Variants in USP20 observed in about 807,000 individuals in gnomAD.
The protein encoded by USP20 is ubiquitin carboxyl-terminal hydrolase 20.
In USP20, 80 loss-of-function variants were observed where a neutral mutation model predicts 124.2. The observed-to-expected ratio is 0.64, with a 90% CI of 0.54 to 0.78. USP20 has a LOEUF of 0.78. Among genes scored for constraint, USP20 ranks in the 30% least tolerant of loss-of-function variants. The probability of loss-of-function intolerance (pLI) is 0.00; values close to 1 mark genes in which losing one functional copy is unlikely to be tolerated. For synonymous variants in USP20, 481 were observed against 512.3 expected, an observed-to-expected ratio of 0.94 and a Z score of 0.83; for missense variants, 1,043 against 1,244.4, an observed-to-expected ratio of 0.84 and a Z score of 2.44.
Position 129,865,342 on chromosome 9 carries a change from C to G in USP20, c.651C>G (p.Ile217Met), listed in dbSNP as rs1043531227. The change falls in exon 10 of 26, where the codon ATC (isoleucine) becomes ATG (methionine). Residue 217 changes from isoleucine to methionine, a missense_variant. Transcript: ENST00000372429. ...TCCCCACCAGTCTGTCTCATGGGATCAAGTTGGTCAACCCAATGTTCCGAG... is the reference window on the plus strand; with the variant it reads ...TCCCCACCAGTCTGTCTCATGGGATGAAGTTGGTCAACCCAATGTTCCGAG... ...YVVPTSLSHG[I>M]KLVNPMFRGY... 1 of 1,614,192 alleles carries G rather than the reference C, an allele frequency of 6.2e-7. No individual in the cohort carries two copies. Among genetic ancestry groups the G allele is most frequent in the Non-Finnish European group, 8.5e-7 (1 of 1,180,012 alleles).
intron 10 of USP20, among the ~76,000 whole-genome samples, chr9:129,867,533 C>T (rs1182358729): frequency 6.6e-6 from 1 of 152,076 alleles, no homozygotes; most frequent in Non-Finnish European, 1.5e-5. Context: ...CTGTGGGTAG[C>T]GTGGCTTGGG....
chr9:129,861,105 A>AGAT, intron 7 of USP20, 72 bp downstream of exon 7: 3 of 1,409,194 alleles, frequency 2.1e-6, no homozygotes, highest in Non-Finnish European at 3.0e-6. Context: ...GGAAACCGCC[A>AGAT]GAGTCTTGGT....
At chr9:129,872,152 AG>A (rs2034158658) in intron 15 of USP20, among the ~76,000 whole-genome samples, 1 of 150,844 alleles carries the variant, frequency 6.6e-6, no homozygotes, top group Non-Finnish European at 1.5e-5. Context: ...TGCTTGTTAT[AG>A]GGATTCTTTT....
chr9:129,879,441 C>T lies in USP20; in HGVS notation c.2513-132C>T, dbSNP rs2034546553. 7.4e-6 allele frequency: 6 copies of T among 808,108 alleles called. No individual in the cohort carries two copies. In the Admixed American group the frequency reaches 1.3e-4, roughly 18 times the overall value. 50.1% of individuals were successfully genotyped at this position (808,108 alleles called of 1,614,324 possible). On this transcript the variant is annotated intron_variant, in intron 23 of 25. Coordinates refer to ENST00000372429, the MANE Select transcript of USP20 (RefSeq NM_001110303.4). This position sits in a 1 kb window ranked among gnomAD's most constrained non-coding sequence, Gnocchi z 4.2. ...TGCCACAGAGGAGCATTGGGTGGCT[C>T]AGGCGCCTCATCCATTAGAGACTTC...
intron 25 of USP20, 62 bp downstream of exon 25, chr9:129,880,351 C>T: frequency 1.4e-6 from 2 of 1,474,484 alleles, no homozygotes; most frequent in Non-Finnish European, 1.8e-6. Flanking sequence ...CTCCAGAGAC[C>T]CTCACATGTC....
intron 1 of USP20, among the ~76,000 whole-genome samples, chr9:129,838,112 GCTCA>G (rs2031972418): frequency 6.6e-6 from 1 of 151,474 alleles, no homozygotes; most frequent in African/African-American, 2.4e-5. Flanking sequence ...TGCGATCTTG[GCTCA>G]CTCCAACCTC....
At chr9:129,851,122 G>A (rs1167138268) in intron 2 of USP20, among the ~76,000 whole-genome samples, 1 of 152,128 alleles carries the variant, frequency 6.6e-6, no homozygotes, top group East Asian at 1.9e-4. Context: ...TACCGTAGGT[G>A]AAGCATTTAT....
At position 129,861,717 on chromosome 9, in the gene USP20, A is replaced by G. The variant is rs1052238428; in HGVS notation, c.497+105A>G. 8.0e-6 allele frequency: 8 copies of G among 1,000,574 alleles called. No homozygotes were observed. In the African/African-American group the frequency reaches 1.3e-4, roughly 16 times the overall value. The allele number at this position is 1,000,574 out of a possible 1,614,324, so 62.0% of individuals were successfully genotyped here. A position where few individuals can be genotyped will look rare whatever the true frequency, so the allele number is the denominator to read the frequency against. ...GGTTGCCCACAAACACATGTATAGG[A>G]TGCACAGCAAAATGCCTGAAAGCAT... On this transcript the variant is annotated intron_variant, in intron 8 of 25. Transcript: ENST00000372429.
chr9:129,861,400 C>G, intron 7 of USP20, 143 bp from the exon 8 acceptor site: 3 of 731,016 alleles, frequency 4.1e-6, no homozygotes, highest in East Asian at 2.6e-5. Flanking sequence ...TGGGAAGATT[C>G]CTGGGGTGGA....
rs534924793 is a variant in USP20 at position 129,839,665 on chromosome 9, G to A, written c.-129+4166G>A. Reference sequence around the variant, plus strand: ...GATGGCTAATGTGGTTGGGGTCAGCGTGGGCAGGGCTGTGGGCATCGTTGT... The same window carrying A: ...GATGGCTAATGTGGTTGGGGTCAGCATGGGCAGGGCTGTGGGCATCGTTGT... On this transcript the variant is annotated intron_variant, in intron 1 of 25. Transcript: ENST00000372429. This position sits in a 1 kb window ranked among gnomAD's most constrained non-coding sequence, Gnocchi z 4.5. Among the ~76,000 whole-genome samples, 3 of 152,054 alleles carry A rather than the reference G, an allele frequency of 2.0e-5. No individual in the cohort carries two copies. The highest frequency in any genetic ancestry group is 4.4e-5 in the Non-Finnish European group (3 of 67,984).
chr9:129,869,639 G>A lies in USP20; in HGVS notation c.1393-33G>A. ...GGTTTGGGGTGCAGACATTGCCAGA[G>A]GATGGGCAGCAGACTGACCTTCAAC... On this transcript the variant is annotated intron_variant, in intron 13 of 25. Transcript: ENST00000372429. 3 of 1,610,640 alleles carry A rather than the reference G, an allele frequency of 1.9e-6. No individual in the cohort carries two copies. In the East Asian group the frequency reaches 6.7e-5, roughly 36 times the overall value.
chr9:129,879,998 C>T lies in USP20; in HGVS notation c.2585-115C>T, dbSNP rs2034571448. 4 of 1,286,690 alleles carry T rather than the reference C, an allele frequency of 3.1e-6. No individual in the cohort carries two copies. Among genetic ancestry groups the T allele is most frequent in the Non-Finnish European group, 4.3e-6 (4 of 936,516 alleles). 79.7% of individuals were successfully genotyped at this position (1,286,690 alleles called of 1,614,324 possible). Reference sequence around the variant, plus strand: ...CCATCTGACAGCTTTGCATAGAAGCCCTGGTTGCCGTCTTCCCGCTTCGGG... The same window carrying T: ...CCATCTGACAGCTTTGCATAGAAGCTCTGGTTGCCGTCTTCCCGCTTCGGG... On this transcript the variant is annotated intron_variant, in intron 24 of 25. Coordinates refer to ENST00000372429, the MANE Select transcript of USP20 (RefSeq NM_001110303.4). The surrounding 1 kb of genome is among the most constrained non-coding windows in gnomAD (Gnocchi z 4.2).
rs1173274800 is a variant in USP20, at chr9:129,881,040, C to G, written c.*590C>G. 6.6e-6 allele frequency: 1 copy of G among 152,454 alleles called. No individual in the cohort carries two copies. The highest frequency in any genetic ancestry group is 1.5e-5 in the Non-Finnish European group (1 of 68,246). 9.4% of individuals were successfully genotyped at this position (152,454 alleles called of 1,614,324 possible). ...CTGGACTCATTGCTGATTGGAACAC[C>G]AGGAGGAGGTTGGATTTCTGCCAGT... On this transcript the variant is annotated 3_prime_UTR_variant, in exon 26 of 26. Transcript: ENST00000372429.
At chr9:129,865,180 C>A in intron 9 of USP20, 123 bp from the exon 10 acceptor site, 1 of 969,454 alleles carries the variant, frequency 1.0e-6, no homozygotes, top group Non-Finnish European at 1.6e-6. Context: ...CTGAGTAGGC[C>A]CCTCCCCAAA....
At chr9:129,862,051 A>T (rs1257704960) in intron 8 of USP20, among the ~76,000 whole-genome samples, 3 of 152,192 alleles carry the variant, frequency 2.0e-5, no homozygotes, top group Non-Finnish European at 4.4e-5. Context: ...TCCATTAAGG[A>T]TAAGGCTGTG....
chr9:129,852,887 G>A (rs977442016), intron 3 of USP20, among the ~76,000 whole-genome samples: 10 of 152,068 alleles, frequency 6.6e-5, no homozygotes, highest in Admixed American at 2.0e-4. Flanking sequence ...CTGTTGGGGC[G>A]GTGCACAGAG....
intron 1 of USP20, among the ~76,000 whole-genome samples, chr9:129,836,576 G>T (rs991977656): frequency 2.0e-5 from 3 of 152,118 alleles, no homozygotes; most frequent in African/African-American, 7.2e-5. Flanking sequence ...GATGGGGGCT[G>T]TCTGGGGTTC....
In USP20 at chr9:129,868,092, G is replaced by T. The variant is rs573247485; in HGVS notation, c.778G>T (p.Ala260Ser). ...PVVATVALTE[A>S]RDSDSSDTDE... ...GGTGGCCACGGTGGCGCTGACGGAG[G>T]CTCGGGACTCAGATTCGAGTGACAC... The change falls in exon 11 of 26, where the codon GCT (alanine) becomes TCT (serine). Residue 260 changes from alanine to serine, a missense_variant. Coordinates refer to ENST00000372429, the MANE Select transcript of USP20 (RefSeq NM_001110303.4). The T allele has an allele frequency of 3.1e-6, 5 of 1,614,160 alleles. No homozygotes were observed. The East Asian group carries it at 1.1e-4, about 36-fold the overall frequency.
intron 10 of USP20, among the ~76,000 whole-genome samples, chr9:129,867,315 G>T (rs895635341): frequency 1.3e-5 from 2 of 152,212 alleles, no homozygotes; most frequent in Non-Finnish European, 2.9e-5. Context: ...GCTTCCTGCT[G>T]TGCTGGTGGC....
Sources: allele counts gnomAD v4.1 joint callset (sites outside exome capture counted in the v4.1 genomes callset), GRCh38; gene constraint gnomAD v4.1.1; non-coding constraint Gnocchi (gnomAD v3.1); transcripts MANE v1.5; gene names NCBI Gene and HGNC (gene_info 2026-07-23, HGNC 2026-07-21).